Variants in LRP1B observed in about 807,000 individuals in gnomAD.
LRP1B encodes the protein low-density lipoprotein receptor-related protein 1B.
LRP1B carries 217 observed loss-of-function variants against 556.6 expected under a neutral mutation model. The ratio of observed to expected loss-of-function variants is 0.39; its 90% CI spans 0.35 to 0.44. The LOEUF (loss-of-function observed/expected upper bound fraction) is 0.44, where lower values mean the gene tolerates loss of function less well. Among genes scored for constraint, LRP1B ranks in the 20% least tolerant of loss-of-function variants. The pLI, the probability that LRP1B is intolerant of heterozygous loss-of-function variation, is 1.00. For synonymous variants in LRP1B, 2,047 were observed against 1,865.8 expected (o/e 1.10, Z -2.50); for missense variants, 5,053 against 5,620.8 (o/e 0.90, Z 3.23).
intron 1 of LRP1B, among the ~76,000 whole-genome samples, chr2:141,923,830 A>T (rs1388231366): frequency 2.0e-5 from 3 of 152,010 alleles, no homozygotes; most frequent in African/African-American, 7.2e-5. Flanking sequence ...GGTTTTTAGC[A>T]TTGGCAGCAT....
intron 2 of LRP1B, among the ~76,000 whole-genome samples, chr2:141,577,530 T>C (rs751630087): frequency 3.9e-5 from 6 of 152,160 alleles, no homozygotes; most frequent in Non-Finnish European, 8.8e-5. Context: ...GGAGTAATGA[T>C]CACCGTACCA....
chr2:140,401,271 G>A (rs1414352362), intron 66 of LRP1B, among the ~76,000 whole-genome samples: 5 of 152,130 alleles, frequency 3.3e-5, no homozygotes, highest in Non-Finnish European at 7.4e-5. Flanking sequence ...ATGGCCTGGG[G>A]CAAGTTTGGG....
At chr2:141,059,859 C>T (rs1195031498) in intron 8 of LRP1B, among the ~76,000 whole-genome samples, 3 of 151,740 alleles carry the variant, frequency 2.0e-5, no homozygotes, top group Non-Finnish European at 4.4e-5. Flanking sequence ...ATAAAAGGCA[C>T]ATGCTAGGCA....
At chr2:140,302,613 G>A (rs1683883404) in intron 83 of LRP1B, among the ~76,000 whole-genome samples, 1 of 152,092 alleles carries the variant, frequency 6.6e-6, no homozygotes, top group African/African-American at 2.4e-5. Context: ...GATTGGCATT[G>A]GAATCAGCAG....
intron 1 of LRP1B, among the ~76,000 whole-genome samples, chr2:142,071,421 T>G (rs1304939916): frequency 1.3e-5 from 2 of 151,996 alleles, no homozygotes; most frequent in African/African-American, 4.8e-5. Context: ...GTGCCATATC[T>G]GATCTACTGC....
chr2:142,003,717 T>C (rs776562514), intron 1 of LRP1B, among the ~76,000 whole-genome samples: 1 of 152,102 alleles, frequency 6.6e-6, no homozygotes, highest in Non-Finnish European at 1.5e-5. Flanking sequence ...AGACATACAG[T>C]CTAAGAATGG....
intron 2 of LRP1B, among the ~76,000 whole-genome samples, chr2:141,523,951 C>T (rs1684609405): frequency 6.6e-6 from 1 of 152,136 alleles, no homozygotes; most frequent in Admixed American, 6.6e-5. Flanking sequence ...TAATTGTCTT[C>T]AGCTAAAGTC....
intron 2 of LRP1B, among the ~76,000 whole-genome samples, chr2:141,770,981 C>A (rs1339685110): frequency 6.6e-6 from 1 of 152,188 alleles, no homozygotes; most frequent in African/African-American, 2.4e-5. Flanking sequence ...GAATGAAATT[C>A]TGAAAAATGG....
chr2:140,350,271 C>T (rs552896971), intron 77 of LRP1B, among the ~76,000 whole-genome samples: 1 of 152,062 alleles, frequency 6.6e-6, no homozygotes, highest in Admixed American at 6.6e-5. Context: ...ATCAACATGT[C>T]CAGCATACAC....
At chr2:141,411,379 G>C (rs1322674709) in intron 3 of LRP1B, among the ~76,000 whole-genome samples, 1 of 152,006 alleles carries the variant, frequency 6.6e-6, no homozygotes. Flanking sequence ...ATATAAACTT[G>C]GAAAGCATGG....
At position 140,492,662 on chromosome 2, in the gene LRP1B, A is replaced by T. The variant is rs761450241; in HGVS notation, c.9066T>A (p.His3022Gln). The T allele has an allele frequency of 5.6e-6, 9 of 1,613,436 alleles. No homozygotes were observed. The highest frequency in any genetic ancestry group is 7.6e-6 in the Non-Finnish European group (9 of 1,179,576). ...CAGTGCTAATTTTCCTTATCTCATG[A>T]TGATCAGCAAGAATTAAAAAAGGTT... ...DEEPFLILAD[H>Q]HEIRKISTDG... The change falls in exon 57 of 91, where the codon CAT becomes CAA. Residue 3022 changes from histidine to glutamine, a missense_variant. Physicochemically the swap from His to Gln is conservative, Grantham distance 24. This residue lies in a region of LRP1B where 3,619 missense variants were observed against 3,931.9 expected (regional missense o/e 0.92). Coordinates refer to ENST00000389484, the MANE Select transcript of LRP1B (RefSeq NM_018557.3).
chr2:140,339,661 C>T (rs1681271983), intron 77 of LRP1B, among the ~76,000 whole-genome samples: 1 of 151,548 alleles, frequency 6.6e-6, no homozygotes, highest in African/African-American at 2.4e-5. Flanking sequence ...GATTCACTTC[C>T]AATGAGTGGA....
chr2:140,926,462 C>A (rs960558725), intron 20 of LRP1B, among the ~76,000 whole-genome samples: 1 of 152,132 alleles, frequency 6.6e-6, no homozygotes, highest in Admixed American at 6.6e-5. Flanking sequence ...CCACCTCAGC[C>A]TCTCAAGTAG....
intron 7 of LRP1B, among the ~76,000 whole-genome samples, chr2:141,187,406 A>C (rs1014291683): frequency 3.3e-5 from 5 of 152,046 alleles, no homozygotes; most frequent in Non-Finnish European, 7.4e-5. Flanking sequence ...CATTTATTGA[A>C]TGGAGGCTTA....
At chr2:140,847,706 G>T (rs1235477530) in intron 29 of LRP1B, among the ~76,000 whole-genome samples, 2 of 151,210 alleles carry the variant, frequency 1.3e-5, no homozygotes, top group African/African-American at 4.9e-5. Context: ...GGCAGAGTTT[G>T]CAGTAAGCCA....
intron 7 of LRP1B, among the ~76,000 whole-genome samples, chr2:141,157,735 C>T (rs1016274869): frequency 2.0e-5 from 3 of 152,188 alleles, no homozygotes; most frequent in Middle Eastern, 3.4e-3. Flanking sequence ...GTCTAGTTAT[C>T]ATTTGTTTAA....
At chr2:140,900,081 G>A (rs2105217717) in intron 23 of LRP1B, among the ~76,000 whole-genome samples, 1 of 152,290 alleles carries the variant, frequency 6.6e-6, no homozygotes, top group African/African-American at 2.4e-5. Context: ...ATTATGGGGA[G>A]GAAAGGGAAC....
chr2:141,993,568 C>T (rs1222180746), intron 1 of LRP1B, among the ~76,000 whole-genome samples: 1 of 152,058 alleles, frequency 6.6e-6, no homozygotes, highest in African/African-American at 2.4e-5. Context: ...AGCTGATAGC[C>T]AATAGACAGG....
intron 1 of LRP1B, among the ~76,000 whole-genome samples, chr2:142,081,022 C>A (rs1047944726): frequency 1.3e-5 from 2 of 152,094 alleles, no homozygotes; most frequent in Non-Finnish European, 2.9e-5. Flanking sequence ...GAAAACATGG[C>A]TTTCCCTCTA....
Sources: allele counts gnomAD v4.1 joint callset (sites outside exome capture counted in the v4.1 genomes callset), GRCh38; gene constraint gnomAD v4.1.1; regional missense constraint gnomAD v4.1.1; transcripts MANE v1.5; gene names NCBI Gene and HGNC (gene_info 2026-07-23, HGNC 2026-07-21).